The following SMARCA2 variants were observed in gnomAD, a reference collection of about 807,000 sequenced individuals.
SMARCA2 encodes the protein SWI/SNF-related matrix-associated actin-dependent regulator of chromatin subfamily A member 2.
Under a neutral mutation model 199.8 loss-of-function variants are expected in SMARCA2, and 61 were observed. The observed-to-expected ratio is 0.31, with a 90% confidence interval of 0.25 to 0.38. The LOEUF (loss-of-function observed/expected upper bound fraction) is 0.38, where lower values mean the gene tolerates loss of function less well. Ranked by LOEUF, SMARCA2 falls within the 10% of genes least tolerant of loss-of-function variation. SMARCA2 has a pLI of 1.00. For missense variants in SMARCA2, 1,344 were observed against 2,012.2 expected (o/e 0.67, Z 6.35); for synonymous variants, 935 against 732.0 (o/e 1.28, Z -4.48).
intron 27 of SMARCA2, among the ~76,000 whole-genome samples, chr9:2,145,070 C>G (rs556358330): frequency 2.6e-5 from 4 of 152,086 alleles, no homozygotes; most frequent in Admixed American, 6.5e-5. Context: ...GAGGCCTAGG[C>G]GGACGGATCA....
chr9:2,128,306 T>C (rs570113632), intron 27 of SMARCA2, among the ~76,000 whole-genome samples: 1 of 152,214 alleles, frequency 6.6e-6, no homozygotes, highest in Non-Finnish European at 1.5e-5. Flanking sequence ...CTCATTCTTT[T>C]AGAGACCTTG....
intron 32 of SMARCA2, among the ~76,000 whole-genome samples, chr9:2,189,097 G>C (rs1194710655): frequency 6.6e-6 from 1 of 152,002 alleles, no homozygotes; most frequent in East Asian, 1.9e-4. Flanking sequence ...CCCATCTCAG[G>C]GTCAGACAAT....
At position 2,119,193 on chromosome 9, in the gene SMARCA2, A is replaced by AAAGTAACAG. The variant is rs1164808150; in HGVS notation, c.3685-262_3685-254dup. ...AGGAGACATTAAGTAACTTGTTGTA[A>AAAGTAACAG]AAGTAACAGAATCAAGATACACATC... On this transcript the variant is annotated intron_variant, in intron 25 of 33. Transcript: ENST00000349721. The surrounding 1 kb of genome is among the most constrained non-coding windows in gnomAD (Gnocchi z 4.6). Among the ~76,000 whole-genome samples, 3 of 152,220 alleles carry AAAGTAACAG rather than the reference A, an allele frequency of 2.0e-5. No individual in the cohort carries two copies. The highest frequency in any genetic ancestry group is 4.8e-5 in the African/African-American group (2 of 41,456).
At chr9:2,183,195 A>G (rs1006298954) in intron 31 of SMARCA2, among the ~76,000 whole-genome samples, 1 of 152,200 alleles carries the variant, frequency 6.6e-6, no homozygotes, top group Non-Finnish European at 1.5e-5. Context: ...TGTATATTTG[A>G]TTACATTTAC....
rs572632047 is a variant in SMARCA2 at position 2,123,671 on chromosome 9, C to A, written c.3763-48C>A. On this transcript the variant is annotated intron_variant, in intron 26 of 33. Coordinates refer to ENST00000349721, the MANE Select transcript of SMARCA2 (RefSeq NM_003070.5). The surrounding 1 kb of genome is among the most constrained non-coding windows in gnomAD (Gnocchi z 4.1). The stretch of plus-strand genomic sequence containing the variant: ...GTTGTGTAGTGCTGGGAAGTCTGCA[C>A]CATACAGAAGCCCTGACTTTCGGTG... The A allele has an allele frequency of 2.1e-4, 325 of 1,533,464 alleles. 3 individuals are homozygous for A. In the South Asian group the frequency reaches 3.6e-3, roughly 17 times the overall value. The allele number at this position is 1,533,464 out of a possible 1,614,324, so 95.0% of individuals were successfully genotyped here.
chr9:2,033,338 T>G, intron 3 of SMARCA2: 1 of 379,230 alleles, frequency 2.6e-6, no homozygotes, highest in Non-Finnish European at 4.7e-6. Context: ...TCTATGTACT[T>G]TATCTAGAAT....
chr9:2,104,307 A>T lies in SMARCA2; in HGVS notation c.3292+138A>T, dbSNP rs1822658499. Reference sequence around the variant, plus strand: ...GAAGCATTGGGAGCAGTTTTTCTAGATAGCAATTTTTTGCATCCTTAAGCT... The same window carrying T: ...GAAGCATTGGGAGCAGTTTTTCTAGTTAGCAATTTTTTGCATCCTTAAGCT... On this transcript the variant is annotated intron_variant, in intron 23 of 33. Transcript: ENST00000349721. The surrounding 1 kb of genome is among the most constrained non-coding windows in gnomAD (Gnocchi z 4.0). 1.3e-6 allele frequency: 1 copy of T among 763,918 alleles called. No homozygotes were observed. The highest frequency in any genetic ancestry group is 2.0e-6 in the Non-Finnish European group (1 of 488,724). The allele number at this position is 763,918 out of a possible 1,614,324, so 47.3% of individuals were successfully genotyped here.
chr9:2,095,897 A>C (rs1400105170), intron 19 of SMARCA2, among the ~76,000 whole-genome samples: 1 of 152,232 alleles, frequency 6.6e-6, no homozygotes, highest in Admixed American at 6.5e-5. Context: ...ATAAAGAAAA[A>C]CAATGGTAGG....
intron 4 of SMARCA2, among the ~76,000 whole-genome samples, chr9:2,046,701 A>G (rs1586643832): frequency 6.6e-6 from 1 of 152,154 alleles, no homozygotes; most frequent in Non-Finnish European, 1.5e-5. Flanking sequence ...TCAGATTGGG[A>G]TAGAGGTCTG....
At chr9:2,085,495 A>G (rs7862412) in intron 17 of SMARCA2, among the ~76,000 whole-genome samples, 9,457 of 152,300 alleles carry the variant, frequency 0.062, 394 homozygotes, top group Non-Finnish European at 0.092. Context: ...TAAATTAGGC[A>G]GGAAAGTAGA....
intron 23 of SMARCA2, among the ~76,000 whole-genome samples, chr9:2,107,736 G>A (rs1322126159): frequency 6.6e-6 from 1 of 152,112 alleles, no homozygotes; most frequent in African/African-American, 2.4e-5. Flanking sequence ...TTGTTTTTCA[G>A]TGCTTTATTT....
intron 23 of SMARCA2, among the ~76,000 whole-genome samples, chr9:2,108,911 A>G (rs1279305944): frequency 1.3e-5 from 2 of 152,246 alleles, no homozygotes; most frequent in Admixed American, 1.3e-4. Context: ...AACCTAATGT[A>G]GAAAGTAAAT....
intron 9 of SMARCA2, among the ~76,000 whole-genome samples, chr9:2,062,320 G>A (rs1350097137): frequency 2.6e-5 from 4 of 152,328 alleles, no homozygotes; most frequent in African/African-American, 9.6e-5. Context: ...GGCAGTTTTA[G>A]TTTTTCCTAA....
At chr9:2,114,306 T>C (rs1175010712) in intron 24 of SMARCA2, among the ~76,000 whole-genome samples, 1 of 152,224 alleles carries the variant, frequency 6.6e-6, no homozygotes, top group Admixed American at 6.5e-5. Flanking sequence ...TATTAACTTA[T>C]TCAAATATCT....
intron 32 of SMARCA2, among the ~76,000 whole-genome samples, chr9:2,187,175 T>C (rs1827526623): frequency 6.6e-6 from 1 of 152,246 alleles, no homozygotes; most frequent in South Asian, 2.1e-4. Flanking sequence ...ATTTAAAATG[T>C]TGATAGTTTG....
intron 27 of SMARCA2, among the ~76,000 whole-genome samples, chr9:2,140,791 A>G (rs749322058): frequency 6.6e-6 from 1 of 152,174 alleles, no homozygotes; most frequent in Admixed American, 6.5e-5. Context: ...CTTTTGTAGT[A>G]GCTTCAGTAA....
chr9:2,090,669 G>A (rs977930006), intron 19 of SMARCA2, among the ~76,000 whole-genome samples: 1 of 152,170 alleles, frequency 6.6e-6, no homozygotes, highest in African/African-American at 2.4e-5. Context: ...TGCTGTCTCT[G>A]TTATTAATGG....
chr9:2,100,280 A>C (rs1213213596), intron 21 of SMARCA2, among the ~76,000 whole-genome samples: 1 of 152,252 alleles, frequency 6.6e-6, no homozygotes, highest in African/African-American at 2.4e-5. Context: ...CTTTCTGTGA[A>C]TCAGAAAGGA....
chr9:2,132,172 G>A (rs76367383), intron 27 of SMARCA2, among the ~76,000 whole-genome samples: 3,743 of 152,218 alleles, frequency 0.025, 92 homozygotes, highest in Non-Finnish European at 0.032. Context: ...GGGAAAATAC[G>A]AAGAAAGGTT....
Sources: gnomAD v4.1 joint callset for allele counts (sites outside exome capture counted in the v4.1 genomes callset) on GRCh38, gnomAD v4.1.1 for gene constraint, Gnocchi (gnomAD v3.1) non-coding constraint, MANE v1.5 for transcripts, NCBI Gene and HGNC (gene_info 2026-07-23, HGNC 2026-07-21) for gene names.